The following ANXA6 variants were observed in gnomAD, a reference collection of about 807,000 sequenced individuals.
ANXA6 encodes 67 kDa calelectrin.
A neutral mutation model predicts 95.4 loss-of-function variants in ANXA6; 71 were observed. The observed-to-expected ratio is 0.74, with a 90% CI of 0.61 to 0.91. The LOEUF (loss-of-function observed/expected upper bound fraction) is 0.91, where lower values mean the gene tolerates loss of function less well. Ranked by LOEUF, ANXA6 falls within the 40% of genes least tolerant of loss-of-function variation. The probability of loss-of-function intolerance (pLI) is 0.00; values close to 1 mark genes in which losing one functional copy is unlikely to be tolerated. For missense variants in ANXA6, 830 were observed against 876.4 expected (o/e 0.95, Z 0.67); for synonymous variants, 289 against 315.9 (o/e 0.91, Z 0.90).
intron 1 of ANXA6, among the ~76,000 whole-genome samples, chr5:151,149,326 G>A (rs1050608230): frequency 2.6e-5 from 4 of 152,078 alleles, no homozygotes; most frequent in African/African-American, 9.7e-5. Flanking sequence ...AAAAATAAAT[G>A]CAAAAAGAGA....
At chr5:151,116,162 C>T (rs186150415) in intron 20 of ANXA6, among the ~76,000 whole-genome samples, 20 of 152,346 alleles carry the variant, frequency 1.3e-4, no homozygotes, top group Admixed American at 3.3e-4. Context: ...GCAAACCACA[C>T]TTCTGTTATG....
intron 7 of ANXA6, 122 bp downstream of exon 7, chr5:151,136,134 A>G: frequency 2.4e-6 from 2 of 845,752 alleles, no homozygotes; most frequent in South Asian, 3.4e-5. Context: ...GATTAGCCAA[A>G]TACACCTGCC....
At position 151,122,700 on chromosome 5, in the gene ANXA6, C is replaced by T. The variant is rs191060220; in HGVS notation, c.1233+217G>A. Reference sequence around the variant, plus strand: ...CTGTGCCTCTGAGTCCACTGAGCAACTCACACAAGTGTTGCCCATCACAAG... The same window carrying T: ...CTGTGCCTCTGAGTCCACTGAGCAATTCACACAAGTGTTGCCCATCACAAG... On this transcript the variant is annotated intron_variant, in intron 16 of 25. Coordinates refer to ENST00000354546, the MANE Select transcript of ANXA6 (RefSeq NM_001155.5). 3.9e-5 allele frequency among the ~76,000 whole-genome samples: 6 copies of T among 152,360 alleles called. No homozygotes were observed. In the East Asian group the frequency reaches 1.2e-3, roughly 29 times the overall value.
intron 2 of ANXA6, among the ~76,000 whole-genome samples, chr5:151,141,980 C>T (rs996071125): frequency 1.4e-4 from 21 of 152,204 alleles, no homozygotes; most frequent in Non-Finnish European, 2.9e-4. Flanking sequence ...CCTCTGAGAG[C>T]AGATACCAGA....
At chr5:151,139,271 G>A in intron 4 of ANXA6, 82 bp downstream of exon 4, 1 of 1,053,962 alleles carries the variant, frequency 9.5e-7, no homozygotes, top group East Asian at 2.5e-5. Flanking sequence ...GCCATATCCA[G>A]GAAATAACCT....
At chr5:151,107,252 T>C (rs1764718460) in intron 23 of ANXA6, among the ~76,000 whole-genome samples, 1 of 152,260 alleles carries the variant, frequency 6.6e-6, no homozygotes, top group Non-Finnish European at 1.5e-5. Context: ...TTCCAAGTGC[T>C]TTACATATAA....
rs746972388 is a variant in ANXA6 at position 151,129,526 on chromosome 5, G to C, written c.799C>G (p.Leu267Val). The C allele has an allele frequency of 6.2e-7, 1 of 1,601,118 alleles. No individual in the cohort carries two copies. The highest frequency in any genetic ancestry group is 1.1e-5 in the South Asian group (1 of 89,030). ...AERLFKAMKG[L>V]GTRDNTLIRI... The stretch of plus-strand genomic sequence containing the variant: ...ATCAGGGTGTTGTCCCGAGTCCCCA[G>C]GCCCTGCAAGACAAGTGGGTTTGGG... The change falls in exon 12 of 26, where the codon CTG becomes GTG. Residue 267 changes from leucine to valine, a missense_variant. Transcript: ENST00000354546.
Position 151,105,282 on chromosome 5 carries a change from G to A in ANXA6, c.1802C>T (p.Pro601Leu). Residue 601 changes from proline to leucine, a missense_variant, in exon 24 of 26, where the codon CCT becomes CTT. Physicochemically the swap from Pro to Leu is moderately conservative, Grantham distance 98. Transcript: ENST00000354546. ...GTAAAGTTTGTCGGCAAAGAAGAGA[G>A]GCTTGTTCTTGACACTTTGAACTGG... The part of the protein sequence containing the change: ...VAIVQSVKNK[P>L]LFFADKLYKS... 6.2e-7 allele frequency: 1 copy of A among 1,613,954 alleles called. No homozygotes were observed. The highest frequency in any genetic ancestry group is 8.5e-7 in the Non-Finnish European group (1 of 1,179,834).
At chr5:151,138,452 C>T (rs1236887606) in intron 5 of ANXA6, among the ~76,000 whole-genome samples, 1 of 152,142 alleles carries the variant, frequency 6.6e-6, no homozygotes. Flanking sequence ...AACCTGTATC[C>T]TTGGACTACA....
chr5:151,110,049 T>C (rs1181900721), intron 21 of ANXA6, among the ~76,000 whole-genome samples: 2 of 152,148 alleles, frequency 1.3e-5, no homozygotes, highest in Admixed American at 1.3e-4. Context: ...ACAAGGACCC[T>C]GTGAACTGAC....
At chr5:151,105,830 G>A (rs1764681515) in intron 23 of ANXA6, among the ~76,000 whole-genome samples, 1 of 152,162 alleles carries the variant, frequency 6.6e-6, no homozygotes, top group Admixed American at 6.5e-5. Flanking sequence ...CTCTAGAGGT[G>A]AGTGACCAGC....
chr5:151,146,593 C>T (rs1052817518), intron 2 of ANXA6, among the ~76,000 whole-genome samples: 2 of 152,134 alleles, frequency 1.3e-5, no homozygotes, highest in Admixed American at 1.3e-4. Flanking sequence ...GCCCAAAGAC[C>T]TCACAGACAG....
intron 17 of ANXA6, among the ~76,000 whole-genome samples, chr5:151,120,034 C>A (rs10067224): frequency 0.28 from 43,262 of 151,946 alleles, 6,761 homozygotes; most frequent in East Asian, 0.48. Context: ...AGCATGCCAC[C>A]ATGCTTGGCT....
intron 1 of ANXA6, among the ~76,000 whole-genome samples, chr5:151,151,773 A>G (rs1766113251): frequency 6.6e-6 from 1 of 152,208 alleles, no homozygotes; most frequent in Non-Finnish European, 1.5e-5. Flanking sequence ...CCAATATGCA[A>G]CATTCATCAC....
intron 5 of ANXA6, 36 bp downstream of exon 5, chr5:151,138,642 C>A (rs879010036): frequency 6.7e-7 from 1 of 1,491,894 alleles, no homozygotes; most frequent in Non-Finnish European, 9.3e-7. Flanking sequence ...TTAACCACAT[C>A]CCCACCCCAA....
At chr5:151,134,323 T>C (rs1208537132) in intron 8 of ANXA6, 104 bp downstream of exon 8, 21 of 1,104,418 alleles carry the variant, frequency 1.9e-5, no homozygotes, top group African/African-American at 3.1e-5. Context: ...ATTTCTGGTA[T>C]TTGATGCAAA....
intron 8 of ANXA6, among the ~76,000 whole-genome samples, chr5:151,133,493 C>T (rs938602125): frequency 6.6e-6 from 1 of 152,192 alleles, no homozygotes; most frequent in African/African-American, 2.4e-5. Context: ...CCTACCTGTT[C>T]AGCGTGTTAT....
At chr5:151,101,582 C>T (rs1414018692) in intron 25 of ANXA6, 75 bp from the exon 26 acceptor site, 1 of 1,319,094 alleles carries the variant, frequency 7.6e-7, no homozygotes, top group African/African-American at 1.5e-5. Flanking sequence ...GGCTGCCCAT[C>T]TGTCTGGACA....
chr5:151,109,587 A>G (rs1764791033), intron 22 of ANXA6, among the ~76,000 whole-genome samples, 166 bp downstream of exon 22: 1 of 152,160 alleles, frequency 6.6e-6, no homozygotes, highest in Non-Finnish European at 1.5e-5. Context: ...TAGAGCCAGG[A>G]CTAGAACCCA....
Sources: allele counts gnomAD v4.1 joint callset (sites outside exome capture counted in the v4.1 genomes callset), GRCh38; gene constraint gnomAD v4.1.1; transcripts MANE v1.5; gene names NCBI Gene and HGNC (gene_info 2026-07-23, HGNC 2026-07-21).